The following PRKCB variants were observed in gnomAD, a reference collection of about 807,000 sequenced individuals.
The protein encoded by PRKCB is protein kinase C beta type.
PRKCB carries 13 observed loss-of-function variants against 81.5 expected under a neutral mutation model. The observed-to-expected ratio is 0.16, with a 90% CI of 0.10 to 0.25. PRKCB has a LOEUF of 0.25. Ranked by LOEUF, PRKCB falls within the 10% of genes least tolerant of loss-of-function variation. The pLI, the probability that PRKCB is intolerant of heterozygous loss-of-function variation, is 1.00. For missense variants in PRKCB, 509 were observed against 875.7 expected (o/e 0.58, Z 5.29); for synonymous variants, 335 against 321.4 (o/e 1.04, Z -0.45).
intron 10 of PRKCB, among the ~76,000 whole-genome samples, chr16:24,160,461 G>T (rs1468252804): frequency 6.6e-6 from 1 of 152,170 alleles, no homozygotes; most frequent in Non-Finnish European, 1.5e-5. Context: ...TTCAGAGGAG[G>T]CAGTGGAGCT....
intron 2 of PRKCB, among the ~76,000 whole-genome samples, chr16:23,945,539 A>T (rs1596482679): frequency 6.6e-6 from 1 of 152,096 alleles, no homozygotes; most frequent in Non-Finnish European, 1.5e-5. Flanking sequence ...TGAGAAAATG[A>T]GGAGCCTCAC....
intron 2 of PRKCB, among the ~76,000 whole-genome samples, chr16:23,841,325 C>T (rs1398633389): frequency 6.6e-6 from 1 of 152,058 alleles, no homozygotes; most frequent in African/African-American, 2.4e-5. Flanking sequence ...GGTGATCCAC[C>T]CGCCTCGGAC....
At chr16:23,867,430 T>C (rs11645733) in intron 2 of PRKCB, among the ~76,000 whole-genome samples, 60,039 of 152,130 alleles carry the variant, frequency 0.39, 12,186 homozygotes, top group South Asian at 0.58. Context: ...CCACCTCTTC[T>C]TACTAGTGAG....
At chr16:24,080,422 G>C (rs887077274) in intron 5 of PRKCB, among the ~76,000 whole-genome samples, 1 of 152,204 alleles carries the variant, frequency 6.6e-6, no homozygotes, top group Non-Finnish European at 1.5e-5. Flanking sequence ...GAGGAGACCA[G>C]AATGATTTCT....
chr16:23,844,434 C>A (rs1183508162), intron 2 of PRKCB, among the ~76,000 whole-genome samples: 1 of 152,222 alleles, frequency 6.6e-6, no homozygotes, highest in Non-Finnish European at 1.5e-5. Flanking sequence ...CCACCCACCT[C>A]TCTATTCATC....
At chr16:23,970,221 G>C (rs1964538935) in intron 2 of PRKCB, among the ~76,000 whole-genome samples, 2 of 152,196 alleles carry the variant, frequency 1.3e-5, no homozygotes, top group South Asian at 4.1e-4. Flanking sequence ...GAAATCAGTG[G>C]AGTTGTCCAA....
chr16:23,980,174 C>G (rs1165593100), intron 2 of PRKCB, among the ~76,000 whole-genome samples: 1 of 152,252 alleles, frequency 6.6e-6, no homozygotes. Context: ...CCTTTGCAAA[C>G]TCAATAGCAT....
intron 16 of PRKCB, among the ~76,000 whole-genome samples, chr16:24,197,473 C>G (rs55889132): frequency 0.21 from 31,346 of 151,704 alleles, 3,719 homozygotes; most frequent in African/African-American, 0.31. Context: ...AGTGCAGGTG[C>G]CTGAGCCAAG....
Position 24,216,383 on chromosome 16 carries a change from TG to T in PRKCB, c.*1570del. On this transcript the variant is annotated 3_prime_UTR_variant, in exon 17 of 17. Transcript: ENST00000643927. ...CCTGAAGCCCAAGGAAACCCTTCGG[TG>T]GGAGAAATTTCATTTCTGTCTGAGA... is the stretch of plus-strand genomic sequence containing the variant. The T allele has an allele frequency of 1.0e-6, 1 of 985,410 alleles. No individual in the cohort carries two copies. The highest frequency in any genetic ancestry group is 1.2e-6 in the Non-Finnish European group (1 of 829,944). The allele number at this position is 985,410 out of a possible 1,614,324, so 61.0% of individuals were successfully genotyped here. A position where few individuals can be genotyped will look rare whatever the true frequency, so the allele number is the denominator to read the frequency against.
At chr16:24,117,886 C>A (rs1413168854) in intron 8 of PRKCB, among the ~76,000 whole-genome samples, 1 of 152,206 alleles carries the variant, frequency 6.6e-6, no homozygotes, top group Non-Finnish European at 1.5e-5. Flanking sequence ...AGGGGTTATC[C>A]GTCGGCTCCC....
chr16:23,912,312 T>C (rs567345938), intron 2 of PRKCB, among the ~76,000 whole-genome samples: 27 of 152,120 alleles, frequency 1.8e-4, no homozygotes, highest in Non-Finnish European at 3.7e-4. Flanking sequence ...ATTCAAGTAG[T>C]CCATTGTTCC....
chr16:23,929,599 C>A (rs1445168040), intron 2 of PRKCB, among the ~76,000 whole-genome samples: 1 of 152,088 alleles, frequency 6.6e-6, no homozygotes, highest in Non-Finnish European at 1.5e-5. Flanking sequence ...CGTAATCATA[C>A]CTGTAACAAC....
At chr16:23,894,967 A>C (rs1280449646) in intron 2 of PRKCB, among the ~76,000 whole-genome samples, 2 of 152,076 alleles carry the variant, frequency 1.3e-5, no homozygotes, top group Non-Finnish European at 1.5e-5. Flanking sequence ...AATGCTTAGG[A>C]AGAGCATAAA....
intron 11 of PRKCB, among the ~76,000 whole-genome samples, chr16:24,173,798 A>G (rs184191421): frequency 2.6e-5 from 4 of 152,280 alleles, no homozygotes; most frequent in South Asian, 2.1e-4. Context: ...TTCATTCACT[A>G]TATAACTTGC....
chr16:24,049,909 C>CA (rs769120074), intron 5 of PRKCB, among the ~76,000 whole-genome samples: 2 of 152,124 alleles, frequency 1.3e-5, no homozygotes, highest in Non-Finnish European at 1.5e-5. Flanking sequence ...ATTTACTGTA[C>CA]ACGTTAGACC....
At chr16:23,886,560 G>A (rs1356174599) in intron 2 of PRKCB, among the ~76,000 whole-genome samples, 1 of 151,608 alleles carries the variant, frequency 6.6e-6, no homozygotes, top group African/African-American at 2.4e-5. Flanking sequence ...TTACAGGCAC[G>A]CACCACCACG....
intron 5 of PRKCB, among the ~76,000 whole-genome samples, chr16:24,041,414 C>G (rs1279414920): frequency 6.6e-6 from 1 of 152,096 alleles, no homozygotes; most frequent in African/African-American, 2.4e-5. Flanking sequence ...CAACTGACAT[C>G]TATTATTTAT....
At chr16:24,100,087 T>C (rs1205478285) in intron 7 of PRKCB, 1 of 152,158 alleles carries the variant, frequency 6.6e-6, no homozygotes, top group Non-Finnish European at 1.5e-5. Context: ...TATAATCTGA[T>C]ATTTTATTGC....
At chr16:24,106,932 C>T (rs1237605911) in intron 7 of PRKCB, among the ~76,000 whole-genome samples, 1 of 152,100 alleles carries the variant, frequency 6.6e-6, no homozygotes, top group Non-Finnish European at 1.5e-5. Context: ...TCCTCCTCCT[C>T]CTTTTCATGT....
Sources: allele counts gnomAD v4.1 joint callset (sites outside exome capture counted in the v4.1 genomes callset), GRCh38; gene constraint gnomAD v4.1.1; transcripts MANE v1.5; gene names NCBI Gene and HGNC (gene_info 2026-07-23, HGNC 2026-07-21).